The following DCUN1D5 variants were observed in gnomAD, a reference collection of about 807,000 sequenced individuals.
DCUN1D5 encodes the protein DCN1-like protein 5.
A neutral mutation model predicts 38.3 loss-of-function variants in DCUN1D5; 10 were observed. The observed-to-expected ratio is 0.26, with a 90% CI of 0.16 to 0.44. The LOEUF (loss-of-function observed/expected upper bound fraction) is 0.44, where lower values mean the gene tolerates loss of function less well. DCUN1D5 is among the 20% of genes least tolerant of loss of function. DCUN1D5 has a pLI of 1.00. For synonymous variants in DCUN1D5, 93 were observed against 90.9 expected, an observed-to-expected ratio of 1.02 and a Z score of -0.13; for missense variants, 148 against 275.3, an observed-to-expected ratio of 0.54 and a Z score of 3.27.
rs1565281196 is a variant in DCUN1D5, at chr11:103,058,049, T to C, written c.*4310A>G. On this transcript the variant is annotated 3_prime_UTR_variant, in exon 8 of 8. Coordinates refer to ENST00000260247, the MANE Select transcript of DCUN1D5 (RefSeq NM_032299.4). ...TATGGACCATAGAGCCAAAAATAAA[T>C]GCAACAAAGCTCCAATAAAATTGGC... is the stretch of plus-strand genomic sequence containing the variant. Among the ~76,000 whole-genome samples, 1 of 152,282 alleles carries C rather than the reference T, an allele frequency of 6.6e-6. No homozygotes were observed. Among genetic ancestry groups the C allele is most frequent in the East Asian group, 1.9e-4 (1 of 5,182 alleles).
Position 103,083,994 on chromosome 11 carries a change from T to C in DCUN1D5, c.179-668A>G, listed in dbSNP as rs554587830. Among the ~76,000 whole-genome samples, 6 of 152,302 alleles carry C rather than the reference T, an allele frequency of 3.9e-5. No homozygotes were observed. In the East Asian group the frequency reaches 9.6e-4, roughly 24 times the overall value. ...TAATCTTTCAATTAGTTAGTGTCTA[T>C]CATTCATCCAAAAATTAATTACTGG... On this transcript the variant is annotated intron_variant, in intron 2 of 7. Transcript: ENST00000260247. This position sits in a 1 kb window ranked among gnomAD's most constrained non-coding sequence, Gnocchi z 4.4.
At chr11:103,089,750 A>T (rs1862806898) in intron 1 of DCUN1D5, among the ~76,000 whole-genome samples, 1 of 152,140 alleles carries the variant, frequency 6.6e-6, no homozygotes, top group African/African-American at 2.4e-5. Flanking sequence ...TCAAAATAAA[A>T]TGTTATATTA....
At chr11:103,068,074 T>C (rs1204533075) in intron 4 of DCUN1D5, among the ~76,000 whole-genome samples, 2 of 152,198 alleles carry the variant, frequency 1.3e-5, no homozygotes, top group African/African-American at 4.8e-5. Flanking sequence ...GGTCCCATAC[T>C]TTTCTCATAA....
rs936351682 is a variant in DCUN1D5 at position 103,087,163 on chromosome 11, TTTTC to T, written c.178+2060_178+2063del. Among the ~76,000 whole-genome samples, 1 of 145,592 alleles carries T rather than the reference TTTTC, an allele frequency of 6.9e-6. No individual in the cohort carries two copies. The highest frequency in any genetic ancestry group is 2.6e-5 in the African/African-American group (1 of 37,946). Reference sequence around the variant, plus strand: ...CAACATCGTGAAACCCCATTTCTTTTTTTCTTTTTCTTTTTTTTTTTTTTTGAGG... The same window carrying T: ...CAACATCGTGAAACCCCATTTCTTTTTTTTTCTTTTTTTTTTTTTTTGAGG... On this transcript the variant is annotated intron_variant, in intron 2 of 7. Transcript: ENST00000260247. The surrounding 1 kb of genome is among the most constrained non-coding windows in gnomAD (Gnocchi z 4.1).
rs1862051489 is a variant in DCUN1D5, at chr11:103,063,034, A to C, written c.659-620T>G. Among the ~76,000 whole-genome samples the C allele has an allele frequency of 6.6e-6, 1 of 152,144 alleles. No individual in the cohort carries two copies. Among genetic ancestry groups the C allele is most frequent in the Non-Finnish European group, 1.5e-5 (1 of 68,002 alleles). On this transcript the variant is annotated intron_variant, in intron 7 of 7. Coordinates refer to ENST00000260247, the MANE Select transcript of DCUN1D5 (RefSeq NM_032299.4). The surrounding 1 kb of genome is among the most constrained non-coding windows in gnomAD (Gnocchi z 4.6). ...AGGAAAAAAATCACCGCCACAAAGAAATATGCTTGCTTTATTCTTCTTAAA... is the reference window on the plus strand; with the variant it reads ...AGGAAAAAAATCACCGCCACAAAGACATATGCTTGCTTTATTCTTCTTAAA...
Position 103,060,788 on chromosome 11 carries a change from T to C in DCUN1D5, c.*1571A>G, listed in dbSNP as rs559869179. On this transcript the variant is annotated 3_prime_UTR_variant, in exon 8 of 8. Coordinates refer to ENST00000260247, the MANE Select transcript of DCUN1D5 (RefSeq NM_032299.4). The stretch of plus-strand genomic sequence containing the variant: ...TTCAGTTCAGATGTGCCTTGAAGAG[T>C]CAACTAAATTATAAATTTAAAGGTC... Among the ~76,000 whole-genome samples, 1 of 152,226 alleles carries C rather than the reference T, an allele frequency of 6.6e-6. No homozygotes were observed. Among genetic ancestry groups the C allele is most frequent in the South Asian group, 2.1e-4 (1 of 4,824 alleles).
Position 103,054,889 on chromosome 11 carries a change from A to G in DCUN1D5, c.*7470T>C, listed in dbSNP as rs917376563. Reference sequence around the variant, plus strand: ...CTAGCACTAGAAAAAAACATAGTAGATGGCAAACCTGTCACATAAGAAACA... The same window carrying G: ...CTAGCACTAGAAAAAAACATAGTAGGTGGCAAACCTGTCACATAAGAAACA... On this transcript the variant is annotated 3_prime_UTR_variant, in exon 8 of 8. Coordinates refer to ENST00000260247, the MANE Select transcript of DCUN1D5 (RefSeq NM_032299.4). The G allele has an allele frequency of 2.0e-5, 3 of 152,110 alleles. No homozygotes were observed. The highest frequency in any genetic ancestry group is 4.4e-5 in the Non-Finnish European group (3 of 67,990). 9.4% of individuals were successfully genotyped at this position (152,110 alleles called of 1,614,324 possible). A position where few individuals can be genotyped will look rare whatever the true frequency, so the allele number is the denominator to read the frequency against.
rs1308911288 is a variant in DCUN1D5, at chr11:103,086,265, C to T, written c.179-2939G>A. Among the ~76,000 whole-genome samples, 2 of 152,060 alleles carry T rather than the reference C, an allele frequency of 1.3e-5. No homozygotes were observed. Among genetic ancestry groups the T allele is most frequent in the African/African-American group, 4.8e-5 (2 of 41,388 alleles). ...TAATTTTGGAACACTGTAAAAAACA[C>T]ACAACCAGTAAATCTGATGCTGTAA... On this transcript the variant is annotated intron_variant, in intron 2 of 7. Transcript: ENST00000260247. The surrounding 1 kb of genome is among the most constrained non-coding windows in gnomAD (Gnocchi z 4.1).
rs1428536597 is a variant in DCUN1D5, at chr11:103,059,777, C to CA, written c.*2581dup. Among the ~76,000 whole-genome samples, 9 of 151,864 alleles carry CA rather than the reference C, an allele frequency of 5.9e-5. No individual in the cohort carries two copies. Among genetic ancestry groups the CA allele is most frequent in the African/African-American group, 2.2e-4 (9 of 41,320 alleles). On this transcript the variant is annotated 3_prime_UTR_variant, in exon 8 of 8. Coordinates refer to ENST00000260247, the MANE Select transcript of DCUN1D5 (RefSeq NM_032299.4). ...GGGGGTGGGGGGGTTGCAATCTGTC[C>CA]AATCAACATCTGGCTCTACTTTCTC...
intron 4 of DCUN1D5, among the ~76,000 whole-genome samples, chr11:103,076,861 T>C (rs983649844): frequency 6.6e-6 from 1 of 152,140 alleles, no homozygotes. Flanking sequence ...AATGGTCTAC[T>C]GTAAATCTTG....
chr11:103,067,276 T>A (rs1219136009), intron 4 of DCUN1D5, among the ~76,000 whole-genome samples: 2 of 152,198 alleles, frequency 1.3e-5, no homozygotes, highest in African/African-American at 4.8e-5. Context: ...TTCCACTGTT[T>A]AGCAAGAAGC....
intron 4 of DCUN1D5, among the ~76,000 whole-genome samples, chr11:103,079,385 G>A (rs539504005): frequency 6.6e-6 from 1 of 152,154 alleles, no homozygotes; most frequent in Non-Finnish European, 1.5e-5. Context: ...ACCAGTAAGT[G>A]ATACTGTGCC....
In DCUN1D5 at chr11:103,064,288, A is replaced by G; in HGVS notation, c.645T>C (p.Asp215=). The G allele has an allele frequency of 6.2e-7, 1 of 1,609,412 alleles. No individual in the cohort carries two copies. Residue 215 remains aspartate (D), a synonymous_variant, in exon 7 of 8, where the codon GAT becomes GAC. Transcript: ENST00000260247. The surrounding 1 kb of genome is among the most constrained non-coding windows in gnomAD (Gnocchi z 4.5). Reference sequence around the variant, plus strand: ...TGTTATACTTACAAGCACCATCTTCATCATAGTTACTAAGATCAGCATGGA... The same window carrying G: ...TGTTATACTTACAAGCACCATCTTCGTCATAGTTACTAAGATCAGCATGGA... The part of the protein sequence containing the change: ...RTVHADLSNY[D]EDGAWPVLLD...
At chr11:103,088,759 G>A (rs1007708766) in intron 2 of DCUN1D5, among the ~76,000 whole-genome samples, 5 of 152,148 alleles carry the variant, frequency 3.3e-5, no homozygotes, top group Non-Finnish European at 5.9e-5. Context: ...TAAATGTGTT[G>A]TACAATTATA....
chr11:103,083,295 C>A lies in DCUN1D5; in HGVS notation c.210G>T (p.Met70Ile), dbSNP rs1862614144. Reference sequence around the variant, plus strand: ...CACCAATGTCTTCACAAAATTTTTCCATTCCTTCTGGCCCTACAACTTCAT... The same window carrying A: ...CACCAATGTCTTCACAAAATTTTTCAATTCCTTCTGGCCCTACAACTTCAT... ...GPDEVVGPEG[M>I]EKFCEDIGVE... The change falls in exon 3 of 8, where the codon ATG becomes ATT. Residue 70 changes from methionine (M) to isoleucine (I), a missense_variant. By Grantham distance (10) the Met-to-Ile change is conservative. Coordinates refer to ENST00000260247, the MANE Select transcript of DCUN1D5 (RefSeq NM_032299.4). The surrounding 1 kb of genome is among the most constrained non-coding windows in gnomAD (Gnocchi z 4.4). 6.2e-7 allele frequency: 1 copy of A among 1,604,078 alleles called. No homozygotes were observed. Among genetic ancestry groups the A allele is most frequent in the Non-Finnish European group, 8.5e-7 (1 of 1,171,544 alleles).
In DCUN1D5 at chr11:103,091,057, TTC is replaced by T. The variant is rs1298498721; in HGVS notation, c.86+728_86+729del. 6.6e-6 allele frequency among the ~76,000 whole-genome samples: 1 copy of T among 152,236 alleles called. No homozygotes were observed. Among genetic ancestry groups the T allele is most frequent in the African/African-American group, 2.4e-5 (1 of 41,456 alleles). On this transcript the variant is annotated intron_variant, in intron 1 of 7. Transcript: ENST00000260247. The surrounding 1 kb of genome is among the most constrained non-coding windows in gnomAD (Gnocchi z 4.3). ...TACTACTATATAGTTCTGCCTTGTC[TTC>T]TTTCTTACCAGTAGGACAGAGTACA...
At chr11:103,076,209 T>C (rs1350879527) in intron 4 of DCUN1D5, among the ~76,000 whole-genome samples, 1 of 152,194 alleles carries the variant, frequency 6.6e-6, no homozygotes, top group African/African-American at 2.4e-5. Context: ...GGACCTGACA[T>C]ATAGCACTCC....
At chr11:103,082,546 T>C (rs1230538366) in intron 4 of DCUN1D5, among the ~76,000 whole-genome samples, 1 of 152,110 alleles carries the variant, frequency 6.6e-6, no homozygotes, top group African/African-American at 2.4e-5. Context: ...ACTAAGGTTC[T>C]TTCTTAGAGA....
chr11:103,064,458 G>T lies in DCUN1D5; in HGVS notation c.556-81C>A. On this transcript the variant is annotated intron_variant, in intron 6 of 7. Transcript: ENST00000260247. The surrounding 1 kb of genome is among the most constrained non-coding windows in gnomAD (Gnocchi z 4.5). Reference sequence around the variant, plus strand: ...CAATTTAGTAAACTAAGTTTTAACTGTTTTTGTGATTTGGTTTTTTCTAAA... The same window carrying T: ...CAATTTAGTAAACTAAGTTTTAACTTTTTTTGTGATTTGGTTTTTTCTAAA... 1 of 1,102,732 alleles carries T rather than the reference G, an allele frequency of 9.1e-7. No individual in the cohort carries two copies. Among genetic ancestry groups the T allele is most frequent in the South Asian group, 1.9e-5 (1 of 53,786 alleles). The allele number at this position is 1,102,732 out of a possible 1,614,324, so 68.3% of individuals were successfully genotyped here. A position where few individuals can be genotyped will look rare whatever the true frequency, so the allele number is the denominator to read the frequency against.
Sources: gnomAD v4.1 joint callset for allele counts (sites outside exome capture counted in the v4.1 genomes callset) on GRCh38, gnomAD v4.1.1 for gene constraint, Gnocchi (gnomAD v3.1) non-coding constraint, MANE v1.5 for transcripts, NCBI Gene and HGNC (gene_info 2026-07-23, HGNC 2026-07-21) for gene names.